Variants in ASIC2 observed in about 807,000 individuals in gnomAD.
ASIC2 encodes the protein acid-sensing ion channel 2.
A neutral mutation model predicts 57.3 loss-of-function variants in ASIC2; 25 were observed. That is an observed-to-expected ratio of 0.44 (90% CI 0.32 to 0.61). The LOEUF is 0.61. Among genes scored for constraint, ASIC2 ranks in the 20% least tolerant of loss-of-function variants. ASIC2 has a pLI of 0.06. For missense variants in ASIC2, 641 were observed against 738.1 expected (o/e 0.87, Z 1.52); for synonymous variants, 319 against 307.5 (o/e 1.04, Z -0.39).
intron 3 of ASIC2, among the ~76,000 whole-genome samples, chr17:33,055,190 C>T (rs1004131139): frequency 2.0e-5 from 3 of 152,220 alleles, no homozygotes; most frequent in African/African-American, 7.2e-5. Context: ...TTCGGGCAAC[C>T]CCTCCTTGCC....
intron 1 of ASIC2, among the ~76,000 whole-genome samples, chr17:33,999,259 C>T (rs1906259126): frequency 6.6e-6 from 1 of 152,018 alleles, no homozygotes; most frequent in Admixed American, 6.6e-5. Flanking sequence ...GATCTTAAAG[C>T]TGAAATAAAT....
chr17:33,660,402 A>G (rs1232878605), intron 1 of ASIC2, among the ~76,000 whole-genome samples: 2 of 152,186 alleles, frequency 1.3e-5, no homozygotes, highest in East Asian at 3.8e-4. Flanking sequence ...CACATTGTAC[A>G]GCTGTAGGAA....
At chr17:33,899,869 T>G (rs148396721) in intron 1 of ASIC2, among the ~76,000 whole-genome samples, 6 of 152,310 alleles carry the variant, frequency 3.9e-5, no homozygotes, top group Non-Finnish European at 8.8e-5. Context: ...AGTTCCAGAA[T>G]AGTCTACATG....
At chr17:33,378,934 A>C (rs1282026215) in intron 1 of ASIC2, among the ~76,000 whole-genome samples, 3 of 152,174 alleles carry the variant, frequency 2.0e-5, no homozygotes, top group Non-Finnish European at 2.9e-5. Flanking sequence ...GGGGCAAGTG[A>C]CTTAACCTCT....
rs552535075 is a variant in ASIC2, at chr17:33,152,512, C to A, written c.709-40445G>T. On this transcript the variant is annotated intron_variant, in intron 1 of 9. Coordinates refer to ENST00000225823, the MANE Select transcript of ASIC2 (RefSeq NM_183377.2). Reference sequence around the variant, plus strand: ...AGCAACAGGAAGGGAGAGATAACAACAAAGGCAGAGATGTAGGAGTGAGCA... The same window carrying A: ...AGCAACAGGAAGGGAGAGATAACAAAAAAGGCAGAGATGTAGGAGTGAGCA... Among the ~76,000 whole-genome samples the A allele has an allele frequency of 2.0e-5, 3 of 152,302 alleles. No individual in the cohort carries two copies. The South Asian group carries it at 6.2e-4, about 32-fold the overall frequency.
At chr17:33,577,699 A>G (rs1916674414) in intron 1 of ASIC2, among the ~76,000 whole-genome samples, 1 of 152,092 alleles carries the variant, frequency 6.6e-6, no homozygotes, top group Non-Finnish European at 1.5e-5. Context: ...CTCATTCTCT[A>G]AGGAATTAGC....
chr17:33,417,689 C>G lies in ASIC2; in HGVS notation c.556-305622G>C, dbSNP rs149790124. ...TTGAGGAGGACATCTGCCCATGCCT[C>G]TTCCAATGTTTCCGCCCCTCTGCAC... is the stretch of plus-strand genomic sequence containing the variant. On this transcript the variant is annotated intron_variant, in intron 1 of 9. Coordinates refer to the ASIC2 transcript ENST00000359872. 2.1e-3 allele frequency among the ~76,000 whole-genome samples: 325 copies of G among 152,306 alleles called. 3 individuals are homozygous for G. The highest frequency in any genetic ancestry group is 7.6e-3 in the African/African-American group (316 of 41,562).
intron 1 of ASIC2, among the ~76,000 whole-genome samples, chr17:33,762,962 A>G (rs968288232): frequency 7.2e-5 from 11 of 152,212 alleles, no homozygotes; most frequent in African/African-American, 2.7e-4. Context: ...TTAAGCTGGT[A>G]GAGTAGGCCC....
intron 1 of ASIC2, among the ~76,000 whole-genome samples, chr17:34,136,226 A>G (rs1204043792): frequency 6.6e-6 from 1 of 152,222 alleles, no homozygotes; most frequent in East Asian, 1.9e-4. Flanking sequence ...CCCTGAAGGA[A>G]ATCTCAGTAT....
chr17:34,070,477 G>T (rs1178235498), intron 1 of ASIC2: 2 of 152,130 alleles, frequency 1.3e-5, no homozygotes, highest in African/African-American at 4.8e-5. Flanking sequence ...GGAACAAAAG[G>T]TAAAGACAGA....
intron 1 of ASIC2, among the ~76,000 whole-genome samples, chr17:34,151,011 G>A (rs1420647143): frequency 1.3e-5 from 2 of 151,050 alleles, no homozygotes; most frequent in East Asian, 3.9e-4. Context: ...GCTGAGGCAG[G>A]AGAATCGCTT....
intron 3 of ASIC2, among the ~76,000 whole-genome samples, chr17:33,032,842 C>T (rs866014631): frequency 6.6e-6 from 1 of 152,070 alleles, no homozygotes; most frequent in Admixed American, 6.6e-5. Context: ...ATACCATTTT[C>T]ATTGTTCATC....
At chr17:34,003,129 A>G (rs995978066) in intron 1 of ASIC2, 1 of 152,224 alleles carries the variant, frequency 6.6e-6, no homozygotes, top group Non-Finnish European at 1.5e-5. Flanking sequence ...ACAGTTGAGA[A>G]GCCATGGAAT....
chr17:33,856,906 G>C (rs975825854), intron 1 of ASIC2, among the ~76,000 whole-genome samples: 1 of 152,094 alleles, frequency 6.6e-6, no homozygotes, highest in Non-Finnish European at 1.5e-5. Flanking sequence ...GAAAGGCTGT[G>C]GGTGACCTAC....
At chr17:33,450,163 G>A (rs1330725207) in intron 1 of ASIC2, among the ~76,000 whole-genome samples, 1 of 152,176 alleles carries the variant, frequency 6.6e-6, no homozygotes, top group African/African-American at 2.4e-5. Context: ...AATAAATTGT[G>A]GCAAGTAACT....
At chr17:33,969,459 A>C (rs561313722) in intron 1 of ASIC2, among the ~76,000 whole-genome samples, 1 of 152,340 alleles carries the variant, frequency 6.6e-6, no homozygotes, top group South Asian at 2.1e-4. Context: ...AAGCAGGCTC[A>C]GTCACAAGGA....
rs187801005 is a variant in ASIC2, at chr17:34,154,985, C to T, written c.555+993G>A. Among the ~76,000 whole-genome samples the T allele has an allele frequency of 7.9e-5, 12 of 152,228 alleles. No individual in the cohort carries two copies. The East Asian group carries it at 1.7e-3, about 22-fold the overall frequency. ...CTGGAGAACCCTGGCAGCAACAGTG[C>T]TCCTCTCGTCCTTTCCTCTCTGCCC... On this transcript the variant is annotated intron_variant, in intron 1 of 9. Transcript: ENST00000359872.
intron 1 of ASIC2, among the ~76,000 whole-genome samples, chr17:33,447,912 C>CAA (rs34092157): frequency 5.6e-4 from 41 of 72,988 alleles, no homozygotes; most frequent in Admixed American, 1.0e-3. Context: ...GACTCAGTCT[C>CAA]AAAAAAAAAA....
At chr17:34,028,792 C>T (rs112299163) in intron 1 of ASIC2, among the ~76,000 whole-genome samples, 206 of 152,248 alleles carry the variant, frequency 1.4e-3, no homozygotes, top group African/African-American at 4.8e-3. Flanking sequence ...ACTGTTGCTG[C>T]CCTGGCCTCA....
Sources: gnomAD v4.1 joint callset for allele counts (sites outside exome capture counted in the v4.1 genomes callset) on GRCh38, gnomAD v4.1.1 for gene constraint, MANE v1.5 for transcripts, NCBI Gene and HGNC (gene_info 2026-07-23, HGNC 2026-07-21) for gene names.